Variants in SEC31B observed in about 807,000 individuals in gnomAD.
SEC31B encodes SEC31 homolog B, COPII component.
In SEC31B, 113 loss-of-function variants were observed where a neutral mutation model predicts 135.0. That is an observed-to-expected ratio of 0.84 (90% confidence interval 0.72 to 0.98). The LOEUF is 0.98. SEC31B is among the 50% of genes least tolerant of loss of function. The pLI, the probability that SEC31B is intolerant of heterozygous loss-of-function variation, is 0.00. For synonymous variants in SEC31B, 508 were observed against 549.4 expected (o/e 0.92, Z 1.05); for missense variants, 1,296 against 1,421.1 (o/e 0.91, Z 1.42).
At chr10:100,489,129 C>G in intron 23 of SEC31B, 123 bp downstream of exon 23, 24 of 1,437,240 alleles carry the variant, frequency 1.7e-5, no homozygotes, top group Non-Finnish European at 2.2e-5. Flanking sequence ...AGTAAGGACA[C>G]CTGGTACCTG....
chr10:100,503,634 A>G (rs757031301), intron 10 of SEC31B, among the ~76,000 whole-genome samples: 60 of 151,784 alleles, frequency 4.0e-4, no homozygotes, highest in Non-Finnish European at 7.7e-4. Context: ...GGGTTTCTCC[A>G]TGTTGGTCAG....
intron 19 of SEC31B, 163 bp downstream of exon 19, chr10:100,495,222 T>C (rs2133677342): frequency 4.2e-6 from 3 of 721,260 alleles, no homozygotes; most frequent in South Asian, 1.6e-5. Context: ...CCTAAGAGCC[T>C]AGTAGTTCAA....
chr10:100,512,170 T>A (rs1445424011), intron 3 of SEC31B, among the ~76,000 whole-genome samples: 1 of 152,104 alleles, frequency 6.6e-6, no homozygotes, highest in African/African-American at 2.4e-5. Flanking sequence ...AGAATTGAGA[T>A]AAAGGTAGAA....
In SEC31B at chr10:100,498,148, G is replaced by A. The variant is rs749208110; in HGVS notation, c.1744C>T (p.Leu582=). 1.2e-4 allele frequency: 192 copies of A among 1,614,076 alleles called. 3 individuals carry two copies. In the South Asian group the frequency reaches 2.1e-3, roughly 17 times the overall value. ...LLGELGPAVE[L]CLKEERFADA... ...GCAAAGCGCTCCTCCTTCAGACACA[G>A]CTCCACGGCCGGACCCAGTTCCCCA... Residue 582 remains leucine (L), a synonymous_variant, in exon 15 of 26, where the codon CTG becomes TTG. Transcript: ENST00000370345.
chr10:100,498,231 G>T (rs201192672), intron 14 of SEC31B, 24 bp from the exon 15 acceptor site: 2 of 1,612,624 alleles, frequency 1.2e-6, no homozygotes, highest in African/African-American at 1.3e-5. Flanking sequence ...CATCCCCTGT[G>T]CATTAGTTGC....
chr10:100,507,112 A>C (rs1348189659), intron 7 of SEC31B, among the ~76,000 whole-genome samples: 2 of 152,186 alleles, frequency 1.3e-5, no homozygotes, highest in Non-Finnish European at 2.9e-5. Flanking sequence ...CAAGCTCATC[A>C]CCTAAAGAAA....
At position 100,499,692 on chromosome 10, in the gene SEC31B, A is replaced by G. The variant is rs528184031; in HGVS notation, c.1411-94T>C. 192 of 887,882 alleles carry G rather than the reference A, an allele frequency of 2.2e-4. No homozygotes were observed. The African/African-American group carries it at 2.7e-3, about 13-fold the overall frequency. 55.0% of individuals were successfully genotyped at this position (887,882 alleles called of 1,614,324 possible). A position where few individuals can be genotyped will look rare whatever the true frequency, so the allele number is the denominator to read the frequency against. On this transcript the variant is annotated intron_variant, in intron 11 of 25. Coordinates refer to ENST00000370345, the MANE Select transcript of SEC31B (RefSeq NM_015490.4). ...CTGGGTATCTGTGCCAGTATACCCA[A>G]TATAGTTCTTTGTACTACTAGAAGT...
intron 19 of SEC31B, among the ~76,000 whole-genome samples, chr10:100,493,306 G>T (rs1489622680): frequency 6.6e-6 from 1 of 151,700 alleles, no homozygotes; most frequent in Non-Finnish European, 1.5e-5. Context: ...CTGGGAGGCA[G>T]AGCTTGCAGT....
At chr10:100,508,704 T>C (rs918503773) in intron 5 of SEC31B, 1 of 458,624 alleles carries the variant, frequency 2.2e-6, no homozygotes, top group Non-Finnish European at 4.0e-6. Context: ...GCGAAAGCTC[T>C]ACTGTGATAA....
At chr10:100,507,699 C>A in intron 6 of SEC31B, 132 bp from the exon 7 acceptor site, 1 of 1,343,918 alleles carries the variant, frequency 7.4e-7, no homozygotes, top group Admixed American at 1.9e-5. Flanking sequence ...GAGTGATGGC[C>A]AGGAATAAGT....
At chr10:100,516,433 G>A (rs1851847318) in intron 2 of SEC31B, among the ~76,000 whole-genome samples, 1 of 151,994 alleles carries the variant, frequency 6.6e-6, no homozygotes, top group Non-Finnish European at 1.5e-5. Context: ...AGATCACAAG[G>A]TCAGGAGATC....
At chr10:100,513,735 G>C (rs942719104) in intron 3 of SEC31B, among the ~76,000 whole-genome samples, 9 of 151,934 alleles carry the variant, frequency 5.9e-5, no homozygotes, top group African/African-American at 2.2e-4. Flanking sequence ...CTCCCAAAGT[G>C]CTGGGATTAC....
intron 6 of SEC31B, 22 bp from the exon 7 acceptor site, chr10:100,507,589 A>T (rs377608684): frequency 1.9e-6 from 3 of 1,613,700 alleles, no homozygotes; most frequent in Admixed American, 1.7e-5. Flanking sequence ...GCAGATCCCA[A>T]TGGGTGCTGT....
intron 3 of SEC31B, among the ~76,000 whole-genome samples, 175 bp downstream of exon 3, chr10:100,515,921 G>GT (rs925593977): frequency 2.6e-5 from 4 of 151,920 alleles, no homozygotes; most frequent in East Asian, 1.9e-4. Context: ...GAAAGGGGGG[G>GT]GGTGGTTGTT....
Position 100,509,388 on chromosome 10 carries a change from C to T in SEC31B, c.327G>A (p.Gly109=), listed in dbSNP as rs144383827. Residue 109 remains glycine, a synonymous_variant, in exon 4 of 26, where the codon GGG becomes GGA. Transcript: ENST00000370345. The part of the protein sequence containing the change: ...LYNVTHILSS[G]KEPVIAQKQK... ...GTTTCTGAGCAATCACAGGCTCCTTCCCCGAAGACAGGATGTGGGTCACAT... is the reference window on the plus strand; with the variant it reads ...GTTTCTGAGCAATCACAGGCTCCTTTCCCGAAGACAGGATGTGGGTCACAT... The T allele has an allele frequency of 3.7e-6, 6 of 1,614,048 alleles. No individual in the cohort carries two copies. Among genetic ancestry groups the T allele is most frequent in the African/African-American group, 1.3e-5 (1 of 74,930 alleles).
chr10:100,503,654 G>A (rs1463150085), intron 10 of SEC31B, among the ~76,000 whole-genome samples: 1 of 151,546 alleles, frequency 6.6e-6, no homozygotes, highest in African/African-American at 2.4e-5. Context: ...GGCTGGTCTC[G>A]AACTCCCCGA....
chr10:100,505,076 A>G (rs1203372784), intron 10 of SEC31B, among the ~76,000 whole-genome samples: 1 of 152,152 alleles, frequency 6.6e-6, no homozygotes, highest in Admixed American at 6.5e-5. Flanking sequence ...GGGTTAGAGA[A>G]AAGATGGAAT....
At chr10:100,497,394 A>G in intron 16 of SEC31B, 114 bp from the exon 17 acceptor site, 1 of 1,533,886 alleles carries the variant, frequency 6.5e-7, no homozygotes, top group Non-Finnish European at 8.8e-7. Context: ...GCAGTTTAAG[A>G]CAACACTGAG....
intron 3 of SEC31B, among the ~76,000 whole-genome samples, chr10:100,514,208 G>C (rs573025938): frequency 6.6e-6 from 1 of 152,072 alleles, no homozygotes; most frequent in South Asian, 2.1e-4. Context: ...AAAACAAAAA[G>C]CCATTAAAAT....
Sources: allele counts gnomAD v4.1 joint callset (sites outside exome capture counted in the v4.1 genomes callset), GRCh38; gene constraint gnomAD v4.1.1; transcripts MANE v1.5; gene names NCBI Gene and HGNC (gene_info 2026-07-23, HGNC 2026-07-21).